The following SH3RF3 variants were observed in gnomAD, a reference collection of about 807,000 sequenced individuals.
SH3RF3 encodes the protein SH3 domain containing ring finger 3.
SH3RF3 carries 29 observed loss-of-function variants against 66.3 expected under a neutral mutation model. The ratio of observed to expected loss-of-function variants is 0.44; its 90% CI spans 0.33 to 0.60. SH3RF3 has a LOEUF of 0.60. Ranked by LOEUF, SH3RF3 falls within the 20% of genes least tolerant of loss-of-function variation. The probability of loss-of-function intolerance (pLI) is 0.04; values close to 1 mark genes in which losing one functional copy is unlikely to be tolerated. For missense variants in SH3RF3, 1,194 were observed against 1,190.9 expected, an observed-to-expected ratio of 1.00 and a Z score of -0.04; for synonymous variants, 583 against 532.0, an observed-to-expected ratio of 1.10 and a Z score of -1.32.
rs193034767 is a variant in SH3RF3 at position 109,263,689 on chromosome 2, G to A, written c.574-83985G>A. Among the ~76,000 whole-genome samples the A allele has an allele frequency of 7.3e-3, 1,111 of 152,314 alleles. 8 individuals are homozygous for A. Among genetic ancestry groups the A allele is most frequent in the South Asian group, 0.024 (114 of 4,820 alleles). On this transcript the variant is annotated intron_variant, in intron 1 of 9. Coordinates refer to ENST00000309415, the MANE Select transcript of SH3RF3 (RefSeq NM_001099289.3). ...TATTAATAGAAAGGAATGTGAGGCC[G>A]GGTGCGGTGGCTCACGCCTGTAATC...
chr2:109,357,428 A>G (rs11894512), intron 2 of SH3RF3, among the ~76,000 whole-genome samples: 27,914 of 152,072 alleles, frequency 0.18, 3,166 homozygotes, highest in African/African-American at 0.32. Flanking sequence ...TGATCCACCC[A>G]CCTCGGCCTC....
rs1212192900 is a variant in SH3RF3, at chr2:109,504,176, G to A, written c.*2505G>A. On this transcript the variant is annotated 3_prime_UTR_variant, in exon 10 of 10. Coordinates refer to ENST00000309415, the MANE Select transcript of SH3RF3 (RefSeq NM_001099289.3). ...TCTTCAGGCCATCTTGCCTCAAAGG[G>A]TACACATGTTTGGCGGTTAAGATGA... 1.3e-5 allele frequency: 2 copies of A among 152,212 alleles called. No homozygotes were observed. The highest frequency in any genetic ancestry group is 2.9e-5 in the Non-Finnish European group (2 of 68,048). The allele number at this position is 152,212 out of a possible 1,614,324, so 9.4% of individuals were successfully genotyped here.
At chr2:109,209,053 C>T (rs1408853954) in intron 1 of SH3RF3, among the ~76,000 whole-genome samples, 1 of 152,188 alleles carries the variant, frequency 6.6e-6, no homozygotes, top group African/African-American at 2.4e-5. Context: ...CCTGTAGACC[C>T]ACACCAACTT....
At chr2:109,486,141 C>T (rs1678970967) in intron 8 of SH3RF3, among the ~76,000 whole-genome samples, 2 of 152,230 alleles carry the variant, frequency 1.3e-5, no homozygotes, top group Admixed American at 6.5e-5. Flanking sequence ...GACCCCTTCT[C>T]TGTGTCTTGA....
chr2:109,282,640 C>T lies in SH3RF3; in HGVS notation c.574-65034C>T, dbSNP rs116347510. On this transcript the variant is annotated intron_variant, in intron 1 of 9. Transcript: ENST00000309415. ...CACCTCTCGCCTCCGTGGTGGGAGA[C>T]GTCCGGGCACCCTTGTTTGCTTGGA... 2.9e-3 allele frequency among the ~76,000 whole-genome samples: 442 copies of T among 152,342 alleles called. 4 individuals are homozygous for T. The highest frequency in any genetic ancestry group is 0.011 in the South Asian group (53 of 4,832).
At chr2:109,473,115 A>C (rs1678568864) in intron 8 of SH3RF3, among the ~76,000 whole-genome samples, 1 of 152,232 alleles carries the variant, frequency 6.6e-6, no homozygotes, top group Admixed American at 6.5e-5. Flanking sequence ...CCTGGCATTT[A>C]ATCGCCCCTC....
At chr2:109,312,529 G>A (rs7569873) in intron 1 of SH3RF3, among the ~76,000 whole-genome samples, 9 of 151,600 alleles carry the variant, frequency 5.9e-5, no homozygotes, top group African/African-American at 1.7e-4. Flanking sequence ...CAGCCACCCC[G>A]CTGGGCCCCT....
chr2:109,490,483 T>G (rs1679100713), intron 8 of SH3RF3, 122 bp from the exon 9 acceptor site: 1 of 875,568 alleles, frequency 1.1e-6, no homozygotes, highest in Non-Finnish European at 1.6e-6. Flanking sequence ...AAGTCTTTTG[T>G]CTGAAAAAAT....
At chr2:109,146,287 C>T (rs894013512) in intron 1 of SH3RF3, among the ~76,000 whole-genome samples, 29 of 152,148 alleles carry the variant, frequency 1.9e-4, no homozygotes, top group Admixed American at 6.5e-4. Flanking sequence ...CAGTAAAGGT[C>T]CCTGAAATGT....
intron 8 of SH3RF3, among the ~76,000 whole-genome samples, chr2:109,451,070 C>T (rs548920579): frequency 2.0e-5 from 3 of 152,358 alleles, no homozygotes; most frequent in Admixed American, 2.0e-4. Context: ...TGGGCCACAC[C>T]AGGTTCCGCA....
intron 1 of SH3RF3, among the ~76,000 whole-genome samples, chr2:109,275,961 A>G (rs1680747871): frequency 1.3e-5 from 2 of 152,180 alleles, no homozygotes; most frequent in South Asian, 2.1e-4. Flanking sequence ...AGCCCACGTC[A>G]TGTGCAGCTG....
chr2:109,265,155 T>C (rs1574538538), intron 1 of SH3RF3, among the ~76,000 whole-genome samples: 1 of 151,854 alleles, frequency 6.6e-6, no homozygotes, highest in African/African-American at 2.4e-5. Context: ...TTCCTTGTTA[T>C]TTAAGAAGGA....
At chr2:109,400,284 C>G (rs1246395146) in intron 4 of SH3RF3, among the ~76,000 whole-genome samples, 1 of 151,886 alleles carries the variant, frequency 6.6e-6, no homozygotes, top group Non-Finnish European at 1.5e-5. Flanking sequence ...CATATGCACT[C>G]CCACGCACAT....
At chr2:109,484,089 A>G (rs1678906358) in intron 8 of SH3RF3, among the ~76,000 whole-genome samples, 1 of 134,838 alleles carries the variant, frequency 7.4e-6, no homozygotes, top group East Asian at 2.1e-4. Context: ...TTTTTTTGAG[A>G]CCGAGTCTCG....
intron 1 of SH3RF3, among the ~76,000 whole-genome samples, chr2:109,271,517 G>A (rs1211880292): frequency 2.0e-5 from 3 of 152,234 alleles, no homozygotes; most frequent in African/African-American, 7.2e-5. Context: ...CAACATGACA[G>A]CAGTGAACAG....
chr2:109,163,390 CTT>C (rs70956302), intron 1 of SH3RF3, among the ~76,000 whole-genome samples: 9 of 70,268 alleles, frequency 1.3e-4, no homozygotes, highest in Admixed American at 2.3e-4. Flanking sequence ...AGCAAATATT[CTT>C]TTTTTTTTTT....
chr2:109,317,668 A>G (rs981721147), intron 1 of SH3RF3, among the ~76,000 whole-genome samples: 1 of 152,334 alleles, frequency 6.6e-6, no homozygotes, highest in African/African-American at 2.4e-5. Flanking sequence ...GACTTCAGGT[A>G]CATAAATATT....
At chr2:109,452,660 C>A (rs1677910222) in intron 8 of SH3RF3, among the ~76,000 whole-genome samples, 2 of 152,230 alleles carry the variant, frequency 1.3e-5, no homozygotes, top group African/African-American at 2.4e-5. Context: ...AGCCCCAAAA[C>A]CAGCTCTGTG....
intron 9 of SH3RF3, 23 bp downstream of exon 9, chr2:109,490,959 T>G: frequency 6.9e-7 from 1 of 1,439,316 alleles, no homozygotes; most frequent in Non-Finnish European, 9.1e-7. Flanking sequence ...GCTTGTCTGC[T>G]CTGTGGCATG....
Sources: allele counts gnomAD v4.1 joint callset (sites outside exome capture counted in the v4.1 genomes callset), GRCh38; gene constraint gnomAD v4.1.1; transcripts MANE v1.5; gene names NCBI Gene and HGNC (gene_info 2026-07-23, HGNC 2026-07-21).